The following TLN1 variants were observed in gnomAD, a reference collection of about 807,000 sequenced individuals.
TLN1 encodes talin 1.
A neutral mutation model predicts 292.3 loss-of-function variants in TLN1; 56 were observed. The ratio of observed to expected loss-of-function variants is 0.19; its 90% confidence interval spans 0.15 to 0.24. The LOEUF is 0.24. TLN1 is among the 10% of genes least tolerant of loss of function. The pLI is 1.00. For synonymous variants in TLN1, 1,119 were observed against 1,253.7 expected (o/e 0.89, Z 2.27); for missense variants, 2,433 against 3,248.2 (o/e 0.75, Z 6.10).
chr9:35,697,311 G>C lies in TLN1; in HGVS notation c.*480C>G, dbSNP rs1433517418. The C allele has an allele frequency of 6.4e-6, 1 of 155,188 alleles. No individual in the cohort carries two copies. The highest frequency in any genetic ancestry group is 1.4e-5 in the Non-Finnish European group (1 of 70,054). 9.6% of individuals were successfully genotyped at this position (155,188 alleles called of 1,614,324 possible). ...CTCCTACTGCCCTGGGAGAAAACTT[G>C]TATCTCCCTTGAAGCCAGGCAGAGG... On this transcript the variant is annotated 3_prime_UTR_variant, in exon 57 of 57. Coordinates refer to ENST00000314888, the MANE Select transcript of TLN1 (RefSeq NM_006289.4).
chr9:35,722,339 G>C, intron 8 of TLN1, 116 bp from the exon 9 acceptor site: 2 of 898,226 alleles, frequency 2.2e-6, no homozygotes, highest in Non-Finnish European at 3.6e-6. Flanking sequence ...AGGTTGAGGA[G>C]TACAAGATAT....
At chr9:35,713,100 T>G (rs1825705719) in intron 26 of TLN1, 57 bp from the exon 27 acceptor site, 1 of 1,571,660 alleles carries the variant, frequency 6.4e-7, no homozygotes, top group African/African-American at 1.3e-5. Context: ...AGGCCCTGAT[T>G]CCAGTGGTTT....
rs189605894 is a variant in TLN1, at chr9:35,711,381, C to T, written c.3893G>A (p.Arg1298Gln). ...MAGQAPSQED[R>Q]AQVVSNLKGI... ...CTTCAAGTTGGACACAACTTGGGCTCGGTCCTCCTGGCTCTGTTGAAGGTG... is the reference window on the plus strand; with the variant it reads ...CTTCAAGTTGGACACAACTTGGGCTTGGTCCTCCTGGCTCTGTTGAAGGTG... Residue 1298 changes from arginine (R) to glutamine (Q), a missense_variant, in exon 30 of 57, where the codon CGA (arginine) becomes CAA (glutamine). By Grantham distance (43) the Arg-to-Gln change is conservative (BLOSUM62 1). Transcript: ENST00000314888. The T allele has an allele frequency of 7.9e-5, 127 of 1,614,180 alleles. No individual in the cohort carries two copies. The highest frequency in any genetic ancestry group is 3.8e-4 in the Admixed American group (23 of 60,020).
chr9:35,709,494 T>A (rs1825622297), intron 33 of TLN1, among the ~76,000 whole-genome samples: 1 of 152,150 alleles, frequency 6.6e-6, no homozygotes, highest in Non-Finnish European at 1.5e-5. Context: ...AGCAAAATAC[T>A]TTACAGCTAA....
chr9:35,726,553 A>G (rs1304119421), intron 1 of TLN1, among the ~76,000 whole-genome samples: 1 of 152,196 alleles, frequency 6.6e-6, no homozygotes, highest in African/African-American at 2.4e-5. Flanking sequence ...TGAAGATGTT[A>G]TAATTCCCTA....
Position 35,708,410 on chromosome 9 carries a change from A to T in TLN1, c.4401T>A (p.Phe1467Leu). The stretch of plus-strand genomic sequence containing the variant: ...TCTGAATTGCCTGGTTTGCACGGGC[A>T]AACTGTGTGGGCTCCACTAGCCCTT... Reference protein sequence around the residue: ...GQQGLVEPTQFARANQAIQMA... With the variant: ...GQQGLVEPTQLARANQAIQMA... Residue 1467 changes from phenylalanine to leucine, a missense_variant, in exon 34 of 57, where the codon TTT becomes TTA. Physicochemically the swap from Phe to Leu is conservative, Grantham distance 22. Transcript: ENST00000314888. 1 of 1,611,848 alleles carries T rather than the reference A, an allele frequency of 6.2e-7. No individual in the cohort carries two copies. The highest frequency in any genetic ancestry group is 2.2e-5 in the East Asian group (1 of 44,654).
chr9:35,729,502 C>T (rs1435807930), intron 1 of TLN1, among the ~76,000 whole-genome samples: 2 of 152,034 alleles, frequency 1.3e-5, no homozygotes, highest in Non-Finnish European at 2.9e-5. Flanking sequence ...CAAAAGGAAG[C>T]CAAGGGAGTC....
Position 35,717,568 on chromosome 9 carries a change from G to A in TLN1, c.2163+51C>T, listed in dbSNP as rs747781838. 6.3e-7 allele frequency: 1 copy of A among 1,588,598 alleles called. No homozygotes were observed. On this transcript the variant is annotated intron_variant, in intron 18 of 56. Transcript: ENST00000314888. This position sits in a 1 kb window ranked among gnomAD's most constrained non-coding sequence, Gnocchi z 4.7. Reference sequence around the variant, plus strand: ...GAAATAAAATGAAAGGCTCACGTGTGTGTGGTAGTATTACCCCTCAGCACG... The same window carrying A: ...GAAATAAAATGAAAGGCTCACGTGTATGTGGTAGTATTACCCCTCAGCACG...
chr9:35,704,342 C>A lies in TLN1; in HGVS notation c.6037G>T (p.Ala2013Ser), dbSNP rs144809355. Residue 2013 changes from alanine to serine, a missense_variant, in exon 45 of 57, where the codon GCT becomes TCT. Physicochemically the swap from Ala to Ser is moderately conservative, Grantham distance 99. Around this residue, in one of 7 missense-constraint regions of TLN1, gnomAD observed 1,384 missense variants for 1,699.6 expected, o/e 0.81. Coordinates refer to ENST00000314888, the MANE Select transcript of TLN1 (RefSeq NM_006289.4). The surrounding 1 kb of genome is among the most constrained non-coding windows in gnomAD (Gnocchi z 6.9). ...TLNREGTETF[A>S]DHREGILKTA... ...CAGTTCCTGTCTTACCGGTGGTCAG[C>A]GAAAGTTTCAGTACCCTCACGATTG... 14 of 1,613,320 alleles carry A rather than the reference C, an allele frequency of 8.7e-6. No homozygotes were observed. Among genetic ancestry groups the A allele is most frequent in the Non-Finnish European group, 1.1e-5 (13 of 1,179,532 alleles).
Position 35,706,988 on chromosome 9 carries a change from C to T in TLN1, c.4955+84G>A. ...TCCCCTGTATCCTCCCAACACCATC[C>T]CATCTCATTGCACTCAAGTGCCCAT... is the stretch of plus-strand genomic sequence containing the variant. On this transcript the variant is annotated intron_variant, in intron 37 of 56. Coordinates refer to ENST00000314888, the MANE Select transcript of TLN1 (RefSeq NM_006289.4). This position sits in a 1 kb window ranked among gnomAD's most constrained non-coding sequence, Gnocchi z 4.2. The T allele has an allele frequency of 6.2e-7, 1 of 1,608,298 alleles. No individual in the cohort carries two copies. Among genetic ancestry groups the T allele is most frequent in the South Asian group, 1.1e-5 (1 of 90,668 alleles).
Position 35,704,025 on chromosome 9 carries a change from G to A in TLN1, c.6197C>T (p.Ala2066Val). Residue 2066 changes from alanine to valine, a missense_variant, in exon 46 of 57, where the codon GCA becomes GTA. Physicochemically the swap from Ala to Val is moderately conservative, Grantham distance 64. Around this residue, in one of 7 missense-constraint regions of TLN1, gnomAD observed 1,384 missense variants for 1,699.6 expected, o/e 0.81. Coordinates refer to ENST00000314888, the MANE Select transcript of TLN1 (RefSeq NM_006289.4). The surrounding 1 kb of genome is among the most constrained non-coding windows in gnomAD (Gnocchi z 6.9). The stretch of plus-strand genomic sequence containing the variant: ...AGGGTCCTCAGCTCCCAGGCTGGCT[G>A]CACCCAGCTTGACCACATCAGCGAG... ...TRLADVVKLG[A>V]ASLGAEDPET... The A allele has an allele frequency of 6.2e-7, 1 of 1,613,306 alleles. No homozygotes were observed. Among genetic ancestry groups the A allele is most frequent in the Non-Finnish European group, 8.5e-7 (1 of 1,179,486 alleles).
chr9:35,718,115 C>T (rs2295796), intron 17 of TLN1, among the ~76,000 whole-genome samples: 1 of 152,172 alleles, frequency 6.6e-6, no homozygotes, highest in Non-Finnish European at 1.5e-5. Context: ...CCTGGGATCC[C>T]TCCACCCCCA....
Position 35,714,369 on chromosome 9 carries a change from C to T in TLN1, c.2990G>A (p.Gly997Asp). Residue 997 changes from glycine (G) to aspartate (D), a missense_variant, in exon 24 of 57, where the codon GGT becomes GAT. By Grantham distance (94) the Gly-to-Asp change is moderately conservative. Coordinates refer to ENST00000314888, the MANE Select transcript of TLN1 (RefSeq NM_006289.4). The surrounding 1 kb of genome is among the most constrained non-coding windows in gnomAD (Gnocchi z 4.6). ...CTTTGCAGCTGCCACCATCTTCCCA[C>T]CTGGCTGTTGGGGAATAGGCAGGTG... Reference protein sequence around the residue: ...IAASQSFLQPGGKMVAAAKAS... With the variant: ...IAASQSFLQPDGKMVAAAKAS... 6.2e-7 allele frequency: 1 copy of T among 1,610,086 alleles called. No individual in the cohort carries two copies. Among genetic ancestry groups the T allele is most frequent in the Non-Finnish European group, 8.5e-7 (1 of 1,177,978 alleles).
At position 35,715,142 on chromosome 9, in the gene TLN1, G is replaced by T; in HGVS notation, c.2671C>A (p.Arg891=). 6.2e-7 allele frequency: 1 copy of T among 1,612,732 alleles called. No individual in the cohort carries two copies. The highest frequency in any genetic ancestry group is 8.5e-7 in the Non-Finnish European group (1 of 1,180,018). ...ATGCGCAGCCCCTCAGCTGCCTCCC[G>T]CAGCCGCTGCTGCTGCTCCTCACTG... ...PDSEEQQQRL[R]EAAEGLRMAT... is the part of the protein sequence containing the mutation. The change falls in exon 21 of 57, where the codon CGG becomes AGG. Residue 891 remains arginine (R), a synonymous_variant. Coordinates refer to ENST00000314888, the MANE Select transcript of TLN1 (RefSeq NM_006289.4).
rs1232009225 is a variant in TLN1 at position 35,720,527 on chromosome 9, G to T, written c.1207-18C>A. ...CTTTTTTTCTGTAGGAAGGAAAAAG[G>T]AACAAGAGTTGGGATAGTTAAAGAA... On this transcript the variant is annotated intron_variant, in intron 11 of 56. Coordinates refer to ENST00000314888, the MANE Select transcript of TLN1 (RefSeq NM_006289.4). 1 of 1,612,936 alleles carries T rather than the reference G, an allele frequency of 6.2e-7. No individual in the cohort carries two copies. The highest frequency in any genetic ancestry group is 1.1e-5 in the South Asian group (1 of 90,992).
rs1825838307 is a variant in TLN1 at position 35,719,098 on chromosome 9, G to C, written c.1872C>G (p.Arg624=). The C allele has an allele frequency of 6.2e-7, 1 of 1,613,450 alleles. No homozygotes were observed. The highest frequency in any genetic ancestry group is 1.3e-5 in the African/African-American group (1 of 74,920). Residue 624 remains arginine (R), a synonymous_variant, in exon 16 of 57, where the codon CGC becomes CGG. Transcript: ENST00000314888. This position sits in a 1 kb window ranked among gnomAD's most constrained non-coding sequence, Gnocchi z 4.6. The stretch of plus-strand genomic sequence containing the variant: ...CCTCAGCACTGGCTGGTTGGGCACT[G>C]CGCAGCAGTTCTGACACTGCTCCCG... ...GLAGAVSELL[R]SAQPASAEPR...
chr9:35,704,059 T>C lies in TLN1; in HGVS notation c.6163A>G (p.Ile2055Val), dbSNP rs1013321882. The C allele has an allele frequency of 2.5e-6, 4 of 1,613,904 alleles. No homozygotes were observed. The highest frequency in any genetic ancestry group is 3.4e-6 in the Non-Finnish European group (4 of 1,179,944). Residue 2055 changes from isoleucine to valine, a missense_variant, in exon 46 of 57, where the codon ATC (isoleucine) becomes GTC (valine). By Grantham distance (29) the Ile-to-Val change is conservative. Coordinates refer to ENST00000314888, the MANE Select transcript of TLN1 (RefSeq NM_006289.4). The surrounding 1 kb of genome is among the most constrained non-coding windows in gnomAD (Gnocchi z 6.9). ...AQAAQSSVAT[I>V]TRLADVVKLG... Reference sequence around the variant, plus strand: ...TTGACCACATCAGCGAGGCGGGTGATGGTCGCCACGGAGGACTGGGCAGCC... The same window carrying C: ...TTGACCACATCAGCGAGGCGGGTGACGGTCGCCACGGAGGACTGGGCAGCC...
chr9:35,714,508 T>C lies in TLN1; in HGVS notation c.2985+66A>G. The C allele has an allele frequency of 6.3e-7, 1 of 1,590,634 alleles. No homozygotes were observed. Among genetic ancestry groups the C allele is most frequent in the Non-Finnish European group, 8.5e-7 (1 of 1,172,582 alleles). On this transcript the variant is annotated intron_variant, in intron 23 of 56. Transcript: ENST00000314888. This position sits in a 1 kb window ranked among gnomAD's most constrained non-coding sequence, Gnocchi z 4.6. The stretch of plus-strand genomic sequence containing the variant: ...AGAGGCTCTTGGCAGAGATTCAAAC[T>C]GTGGGAGATGGAAGCTTAGAAAGGT...
At chr9:35,728,847 T>C (rs1030425197) in intron 1 of TLN1, among the ~76,000 whole-genome samples, 5 of 152,128 alleles carry the variant, frequency 3.3e-5, no homozygotes, top group Admixed American at 1.3e-4. Flanking sequence ...CAGTAAGACC[T>C]AGCCTTTGAG....
Sources: gnomAD v4.1 joint callset for allele counts (sites outside exome capture counted in the v4.1 genomes callset) on GRCh38, gnomAD v4.1.1 for gene constraint, gnomAD v4.1.1 regional missense constraint, Gnocchi (gnomAD v3.1) non-coding constraint, MANE v1.5 for transcripts, NCBI Gene and HGNC (gene_info 2026-07-23, HGNC 2026-07-21) for gene names.